Variants in ARHGEF7 observed in about 807,000 individuals in gnomAD.
ARHGEF7 encodes the protein Rho guanine nucleotide exchange factor 7, also known as PAK-interacting exchange factor beta.
Under a neutral mutation model 109.8 loss-of-function variants are expected in ARHGEF7, and 33 were observed. That is an observed-to-expected ratio of 0.30 (90% CI 0.23 to 0.40). ARHGEF7 has a LOEUF of 0.40. ARHGEF7 is among the 10% of genes least tolerant of loss of function. ARHGEF7 has a pLI of 1.00. For synonymous variants in ARHGEF7, 458 were observed against 424.6 expected (o/e 1.08, Z -0.97); for missense variants, 938 against 1,098.5 (o/e 0.85, Z 2.07).
rs1358713156 is a variant in ARHGEF7, at chr13:111,145,684, C to G, written c.166-8221C>G. ...CACTGTGAGCCAGCTCCAGCATCTA[C>G]TGCTCTAGGCCCCTGCTTCCTGCCA... On this transcript the variant is annotated intron_variant, in intron 1 of 21. Transcript: ENST00000646102. The surrounding 1 kb of genome is among the most constrained non-coding windows in gnomAD (Gnocchi z 4.3). Among the ~76,000 whole-genome samples, 1 of 152,220 alleles carries G rather than the reference C, an allele frequency of 6.6e-6. No homozygotes were observed. Among genetic ancestry groups the G allele is most frequent in the East Asian group, 1.9e-4 (1 of 5,192 alleles).
chr13:111,265,145 A>AAAG (rs1555392425), intron 8 of ARHGEF7, among the ~76,000 whole-genome samples: 268 of 150,230 alleles, frequency 1.8e-3, no homozygotes, highest in African/African-American at 6.1e-3. Flanking sequence ...AAAAAAAAAA[A>AAAG]AAGAAGACCC....
At chr13:111,126,869 C>T (rs1452383290) in intron 1 of ARHGEF7, among the ~76,000 whole-genome samples, 2 of 152,012 alleles carry the variant, frequency 1.3e-5, no homozygotes. Context: ...GGAGCTTCCA[C>T]CTTAAGAAAC....
chr13:111,120,599 A>G (rs1376267342), intron 1 of ARHGEF7, among the ~76,000 whole-genome samples: 4 of 152,196 alleles, frequency 2.6e-5, no homozygotes, highest in African/African-American at 9.6e-5. Flanking sequence ...TCTCAGGGGC[A>G]GCTGCTCTGT....
Position 111,275,696 on chromosome 13 carries a change from C to A in ARHGEF7, c.1419+18C>A, listed in dbSNP as rs746626562. On this transcript the variant is annotated intron_variant, in intron 12 of 21. Coordinates refer to ENST00000646102, the MANE Select transcript of ARHGEF7 (RefSeq NM_001354046.2). The stretch of plus-strand genomic sequence containing the variant: ...GAAGTGAGGTACTGCTGCCCACATG[C>A]ACGCACCAGGGTTTCTGTCCCACTC... 5.6e-6 allele frequency: 9 copies of A among 1,613,832 alleles called. No individual in the cohort carries two copies. The East Asian group carries it at 1.6e-4, about 28-fold the overall frequency.
At chr13:111,259,346 T>C (rs2153572175) in intron 8 of ARHGEF7, among the ~76,000 whole-genome samples, 1 of 152,282 alleles carries the variant, frequency 6.6e-6, no homozygotes, top group South Asian at 2.1e-4. Context: ...ACAGGGGTAT[T>C]GTGTCATCCT....
chr13:111,160,266 C>G (rs986670036), intron 2 of ARHGEF7, among the ~76,000 whole-genome samples: 6 of 151,434 alleles, frequency 4.0e-5, no homozygotes, highest in Admixed American at 2.6e-4. Context: ...TGGTAATACA[C>G]TTTGAAATCA....
intron 2 of ARHGEF7, among the ~76,000 whole-genome samples, chr13:111,172,979 G>A (rs2077742701): frequency 6.6e-6 from 1 of 152,202 alleles, no homozygotes; most frequent in African/African-American, 2.4e-5. Context: ...CATTTCAGAT[G>A]AGGGATGCTC....
At chr13:111,146,740 G>A (rs2075613734) in intron 1 of ARHGEF7, among the ~76,000 whole-genome samples, 1 of 152,168 alleles carries the variant, frequency 6.6e-6, no homozygotes, top group Non-Finnish European at 1.5e-5. Context: ...CTCTGCTTTG[G>A]TTGAGGGTGG....
chr13:111,166,764 A>G (rs1017043762), intron 2 of ARHGEF7, among the ~76,000 whole-genome samples: 1 of 152,210 alleles, frequency 6.6e-6, no homozygotes, highest in African/African-American at 2.4e-5. Context: ...TATCTGTGAG[A>G]TGCCTCAGTG....
chr13:111,222,107 A>T (rs1938077068), intron 5 of ARHGEF7, among the ~76,000 whole-genome samples: 1 of 152,076 alleles, frequency 6.6e-6, no homozygotes, highest in Admixed American at 6.6e-5. Context: ...CTCAAATGTG[A>T]ATCTCCTTTA....
intron 1 of ARHGEF7, among the ~76,000 whole-genome samples, chr13:111,136,139 A>T (rs1161310951): frequency 6.6e-6 from 1 of 152,144 alleles, no homozygotes; most frequent in East Asian, 1.9e-4. Flanking sequence ...CATCCCAGGG[A>T]TGAAGCCCAC....
intron 1 of ARHGEF7, among the ~76,000 whole-genome samples, chr13:111,127,125 T>G (rs1237735379): frequency 6.6e-6 from 1 of 152,218 alleles, no homozygotes; most frequent in Non-Finnish European, 1.5e-5. Context: ...TAAGTGGATA[T>G]GAAAACATTG....
chr13:111,261,262 A>G (rs897625407), intron 8 of ARHGEF7, among the ~76,000 whole-genome samples: 1 of 152,202 alleles, frequency 6.6e-6, no homozygotes, highest in Non-Finnish European at 1.5e-5. Context: ...TAGACTGGAA[A>G]TAAAGGAATG....
chr13:111,221,456 G>T (rs1293133824), intron 5 of ARHGEF7, among the ~76,000 whole-genome samples: 9 of 71,544 alleles, frequency 1.3e-4, no homozygotes, highest in African/African-American at 1.9e-4. Flanking sequence ...TATATATATA[G>T]ATATATAGAC....
chr13:111,220,051 A>G (rs1057424672), intron 5 of ARHGEF7, among the ~76,000 whole-genome samples: 3 of 152,216 alleles, frequency 2.0e-5, no homozygotes, highest in African/African-American at 4.8e-5. Flanking sequence ...ACTGGCCTGC[A>G]TGAGCCTTCC....
chr13:111,286,555 T>C (rs1255316295), intron 17 of ARHGEF7, among the ~76,000 whole-genome samples: 2 of 152,150 alleles, frequency 1.3e-5, no homozygotes, highest in Admixed American at 1.3e-4. Context: ...CTATAAGATA[T>C]TCCACCCACA....
chr13:111,189,887 G>C (rs1333499931), intron 2 of ARHGEF7, among the ~76,000 whole-genome samples: 1 of 152,168 alleles, frequency 6.6e-6, no homozygotes, highest in Non-Finnish European at 1.5e-5. Context: ...TAGCTAGACA[G>C]AAAAGTTCTC....
In ARHGEF7 at chr13:111,255,961, G is replaced by A. The variant is rs2090370852; in HGVS notation, c.951-11587G>A. On this transcript the variant is annotated intron_variant, in intron 8 of 21. Transcript: ENST00000646102. The surrounding 1 kb of genome is among the most constrained non-coding windows in gnomAD (Gnocchi z 4.1). ...ACTTCATGAATGGTGTAATGAATTG[G>A]TATGATATTTCATTCGTTGTCTGGA... 6.6e-6 allele frequency among the ~76,000 whole-genome samples: 1 copy of A among 152,186 alleles called. No homozygotes were observed. Among genetic ancestry groups the A allele is most frequent in the South Asian group, 2.1e-4 (1 of 4,830 alleles).
At chr13:111,120,456 AAC>A (rs1344474524) in intron 1 of ARHGEF7, among the ~76,000 whole-genome samples, 9 of 144,006 alleles carry the variant, frequency 6.2e-5, no homozygotes, top group South Asian at 4.5e-4. Context: ...CACATACGTA[AAC>A]ACATGCATGT....
Sources: gnomAD v4.1 joint callset for allele counts (sites outside exome capture counted in the v4.1 genomes callset) on GRCh38, gnomAD v4.1.1 for gene constraint, Gnocchi (gnomAD v3.1) non-coding constraint, MANE v1.5 for transcripts, NCBI Gene and HGNC (gene_info 2026-07-23, HGNC 2026-07-21) for gene names.